The following WNK2 variants were observed in gnomAD, a reference collection of about 807,000 sequenced individuals.
The protein encoded by WNK2 is WNK lysine deficient protein kinase 2, also known as serine/threonine-protein kinase WNK2.
WNK2 carries 67 observed loss-of-function variants against 192.1 expected under a neutral mutation model. That is an observed-to-expected ratio of 0.35 (90% CI 0.29 to 0.43). The LOEUF (loss-of-function observed/expected upper bound fraction) is 0.43, where lower values mean the gene tolerates loss of function less well. Among genes scored for constraint, WNK2 ranks in the 20% least tolerant of loss-of-function variants. The probability of loss-of-function intolerance (pLI) is 1.00; values close to 1 mark genes in which losing one functional copy is unlikely to be tolerated. For missense variants in WNK2, 2,698 were observed against 3,089.7 expected (o/e 0.87, Z 3.01); for synonymous variants, 1,439 against 1,393.9 (o/e 1.03, Z -0.72).
chr9:93,184,883 G>A, intron 1 of WNK2, 45 bp from the exon 2 acceptor site: 1 of 1,216,848 alleles, frequency 8.2e-7, no homozygotes, highest in Non-Finnish European at 1.0e-6. Context: ...GGGCAGGTGC[G>A]GCAGGGCCGG....
chr9:93,226,879 C>T lies in WNK2; in HGVS notation c.682-2817C>T, dbSNP rs117509963. Among the ~76,000 whole-genome samples, 668 of 152,234 alleles carry T rather than the reference C, an allele frequency of 4.4e-3. 3 individuals carry two copies. The highest frequency in any genetic ancestry group is 7.7e-3 in the Non-Finnish European group (522 of 68,008). On this transcript the variant is annotated intron_variant, in intron 2 of 29. Transcript: ENST00000427277. The stretch of plus-strand genomic sequence containing the variant: ...TTCATTCACCTGGCCCCAAATGTTT[C>T]GGTGGTTTCCAGGTGGGTCTATGAT...
Position 93,184,926 on chromosome 9 carries a change from A to T in WNK2, c.-2-2A>T. ...GCGGGCCTGTGTGTCCTTGGCCCAC[A>T]GAGATGGACGGCGATGGCGGCCGCC... is the stretch of plus-strand genomic sequence containing the variant. On this transcript the variant is annotated splice_acceptor_variant, in intron 1 of 29. Coordinates refer to ENST00000427277, the MANE Select transcript of WNK2 (RefSeq NM_006648.4). LOFTEE classifies it low-confidence loss of function (5UTR_SPLICE). 8.4e-7 allele frequency: 1 copy of T among 1,185,288 alleles called. No homozygotes were observed. The highest frequency in any genetic ancestry group is 3.7e-5 in the East Asian group (1 of 27,312). 73.4% of individuals were successfully genotyped at this position (1,185,288 alleles called of 1,614,324 possible).
At chr9:93,273,064 A>G (rs993990220) in intron 19 of WNK2, among the ~76,000 whole-genome samples, 2 of 152,238 alleles carry the variant, frequency 1.3e-5, no homozygotes, top group Non-Finnish European at 2.9e-5. Flanking sequence ...ACACAAATCA[A>G]AAGAATGCTG....
intron 28 of WNK2, among the ~76,000 whole-genome samples, chr9:93,313,143 T>G (rs1194134194): frequency 6.6e-6 from 1 of 152,246 alleles, no homozygotes; most frequent in East Asian, 1.9e-4. Flanking sequence ...CTTCAGTTCT[T>G]CGAGCACATT....
At position 93,239,793 on chromosome 9, in the gene WNK2, C is replaced by T. The variant is rs376299566; in HGVS notation, c.1359C>T (p.Phe453=). 26 of 1,570,298 alleles carry T rather than the reference C, an allele frequency of 1.7e-5. No homozygotes were observed. Among genetic ancestry groups the T allele is most frequent in the African/African-American group, 1.1e-4 (8 of 73,752 alleles). ...AAGACCTGCTGAGCCACGCCTTCTT[C>T]GCAGAGGACACAGGCGTGAGGGTGG... ...EIKDLLSHAF[F]AEDTGVRVEL... is the part of the protein sequence containing the mutation. Residue 453 remains phenylalanine (F), a synonymous_variant, in exon 7 of 30, where the codon TTC becomes TTT. Coordinates refer to ENST00000427277, the MANE Select transcript of WNK2 (RefSeq NM_006648.4). This position sits in a 1 kb window ranked among gnomAD's most constrained non-coding sequence, Gnocchi z 4.2.
intron 13 of WNK2, 32 bp from the exon 14 acceptor site, chr9:93,262,638 C>A (rs772350730): frequency 6.2e-7 from 1 of 1,612,166 alleles, no homozygotes; most frequent in Admixed American, 1.7e-5. Context: ...GTCCGCATGA[C>A]CTGTTCTCTT....
intron 2 of WNK2, among the ~76,000 whole-genome samples, chr9:93,193,056 G>A (rs1197309422): frequency 4.6e-5 from 7 of 152,228 alleles, no homozygotes; most frequent in African/African-American, 1.7e-4. Context: ...GGTTTGGGCC[G>A]TGTGTCTGGG....
intron 2 of WNK2, among the ~76,000 whole-genome samples, chr9:93,202,487 C>T (rs538383056): frequency 9.2e-5 from 14 of 152,232 alleles, no homozygotes; most frequent in African/African-American, 2.6e-4. Flanking sequence ...GCGGTCAGCC[C>T]GGCCCTACCA....
intron 2 of WNK2, among the ~76,000 whole-genome samples, chr9:93,203,176 G>A (rs901580072): frequency 2.6e-5 from 4 of 152,298 alleles, no homozygotes; most frequent in South Asian, 4.1e-4. Flanking sequence ...GACCCCAGTA[G>A]GGGAACCCCA....
At chr9:93,261,409 G>A (rs1844217907) in intron 12 of WNK2, among the ~76,000 whole-genome samples, 1 of 152,214 alleles carries the variant, frequency 6.6e-6, no homozygotes, top group South Asian at 2.1e-4. Flanking sequence ...GAGGCGGCAG[G>A]TGTCAGTGCG....
At position 93,186,618 on chromosome 9, in the gene WNK2, G is replaced by A. The variant is rs144108682; in HGVS notation, c.681+1008G>A. Among the ~76,000 whole-genome samples the A allele has an allele frequency of 1.1e-3, 173 of 152,346 alleles. 1 individual carries two copies. In the Middle Eastern group the frequency reaches 0.02, roughly 18 times the overall value. On this transcript the variant is annotated intron_variant, in intron 2 of 29. Transcript: ENST00000427277. Reference sequence around the variant, plus strand: ...GCTGGGGCTAGCTGGGGCAAGCTGTGTTCTGGGGCCGCTGGCCACACTGCG... The same window carrying A: ...GCTGGGGCTAGCTGGGGCAAGCTGTATTCTGGGGCCGCTGGCCACACTGCG...
At chr9:93,211,106 CCACT>C (rs753539695) in intron 2 of WNK2, among the ~76,000 whole-genome samples, 188 of 17,386 alleles carry the variant, frequency 0.011, no homozygotes, top group Non-Finnish European at 0.021. Flanking sequence ...ACTCACTCAT[CCACT>C]CACTCACTCA....
intron 28 of WNK2, among the ~76,000 whole-genome samples, chr9:93,312,450 C>T (rs561520686): frequency 6.8e-4 from 103 of 152,274 alleles, no homozygotes; most frequent in African/African-American, 2.3e-3. Flanking sequence ...TCTCAGCTCA[C>T]CGCAACCTCT....
intron 5 of WNK2, among the ~76,000 whole-genome samples, chr9:93,235,486 T>A (rs530071804): frequency 6.6e-6 from 1 of 152,370 alleles, no homozygotes; most frequent in South Asian, 2.1e-4. Context: ...CGTTAATCCC[T>A]GTTTTGCTGT....
rs776345682 is a variant in WNK2 at position 93,185,341 on chromosome 9, G to A, written c.412G>A (p.Ala138Thr). Residue 138 changes from alanine (A) to threonine (T), a missense_variant, in exon 2 of 30, where the codon GCC becomes ACC. Coordinates refer to ENST00000427277, the MANE Select transcript of WNK2 (RefSeq NM_006648.4). ...CGCAGCCGCTGTCGAAACCGCGCCT[G>A]CCCCCGACGGCGGCCCCAGGGAGGA... The part of the protein sequence containing the change: ...PIAAAVETAP[A>T]PDGGPREEAA... 185 of 1,542,836 alleles carry A rather than the reference G, an allele frequency of 1.2e-4. No homozygotes were observed. The highest frequency in any genetic ancestry group is 1.5e-4 in the Non-Finnish European group (167 of 1,147,862).
intron 8 of WNK2, among the ~76,000 whole-genome samples, chr9:93,248,993 A>G (rs1288550033): frequency 9.9e-5 from 15 of 152,240 alleles, no homozygotes; most frequent in Admixed American, 9.8e-4. Flanking sequence ...AAAGTAGGCT[A>G]TTTAAATTCA....
chr9:93,220,714 A>G (rs758662654), intron 2 of WNK2, among the ~76,000 whole-genome samples: 3 of 152,124 alleles, frequency 2.0e-5, no homozygotes, highest in Non-Finnish European at 4.4e-5. Flanking sequence ...TGGTCTGTGG[A>G]CTGTGAGGCT....
chr9:93,297,050 C>T (rs796198889), intron 23 of WNK2, among the ~76,000 whole-genome samples: 6 of 142,348 alleles, frequency 4.2e-5, no homozygotes, highest in East Asian at 2.1e-4. Context: ...CACCTTCCTC[C>T]CCTCCGCATC....
intron 19 of WNK2, among the ~76,000 whole-genome samples, chr9:93,272,510 G>A (rs1320508347): frequency 1.4e-5 from 2 of 142,594 alleles, no homozygotes; most frequent in Admixed American, 6.8e-5. Context: ...GCCCAAGTTC[G>A]GGGGGATCAC....
Sources: gnomAD v4.1 joint callset for allele counts (sites outside exome capture counted in the v4.1 genomes callset) on GRCh38, gnomAD v4.1.1 for gene constraint, Gnocchi (gnomAD v3.1) non-coding constraint, MANE v1.5 for transcripts, NCBI Gene and HGNC (gene_info 2026-07-23, HGNC 2026-07-21) for gene names.